Variants in ZNF251 observed in about 807,000 individuals in gnomAD.
ZNF251 encodes zinc finger protein 251.
Under a neutral mutation model 13.5 loss-of-function variants are expected in ZNF251, and 14 were observed. The observed-to-expected ratio is 1.04, with a 90% confidence interval of 0.69 to 1.63. The LOEUF is 1.63. ZNF251 is among the 40% of genes most tolerant of loss of function. The pLI is 0.00. For missense variants in ZNF251, 764 were observed against 834.9 expected, an observed-to-expected ratio of 0.92 and a Z score of 1.05; for synonymous variants, 287 against 295.2, an observed-to-expected ratio of 0.97 and a Z score of 0.28.
intron 4 of ZNF251, among the ~76,000 whole-genome samples, chr8:144,752,134 C>CAA (rs1563772285): frequency 1.6e-5 from 2 of 127,314 alleles, no homozygotes; most frequent in African/African-American, 6.6e-5. Context: ...AATAACTAGA[C>CAA]CAAAAAAAAA....
intron 4 of ZNF251, among the ~76,000 whole-genome samples, chr8:144,732,606 A>G (rs1414398986): frequency 2.6e-5 from 4 of 151,408 alleles, no homozygotes; most frequent in Non-Finnish European, 4.4e-5. Context: ...AGGTCAGGAG[A>G]TGGAGACCAT....
At chr8:144,740,633 C>T (rs1824114937) in intron 4 of ZNF251, among the ~76,000 whole-genome samples, 1 of 146,954 alleles carries the variant, frequency 6.8e-6, no homozygotes, top group African/African-American at 2.5e-5. Flanking sequence ...AAGACTAAAT[C>T]TCAAAAAAAA....
intron 4 of ZNF251, among the ~76,000 whole-genome samples, chr8:144,750,102 A>T (rs1373982423): frequency 1.3e-5 from 2 of 152,026 alleles, no homozygotes; most frequent in African/African-American, 4.8e-5. Flanking sequence ...CACGTTAATC[A>T]TAGTTTTAAA....
intron 4 of ZNF251, among the ~76,000 whole-genome samples, chr8:144,737,170 T>G (rs570694071): frequency 1.3e-5 from 2 of 152,114 alleles, no homozygotes; most frequent in East Asian, 3.9e-4. Flanking sequence ...TGATCTCAGC[T>G]CATGGCAGTC....
intron 4 of ZNF251, among the ~76,000 whole-genome samples, chr8:144,752,608 A>G (rs537814698): frequency 1.3e-5 from 2 of 152,342 alleles, no homozygotes; most frequent in African/African-American, 4.8e-5. Flanking sequence ...TGCTTTATTC[A>G]ACCAATTTTG....
chr8:144,730,573 A>G (rs1040216696), intron 4 of ZNF251, among the ~76,000 whole-genome samples: 30 of 148,410 alleles, frequency 2.0e-4, no homozygotes, highest in Admixed American at 4.0e-4. Context: ...CGGGGGTGAC[A>G]CTGGCATGTG....
Position 144,722,829 on chromosome 8 carries a change from A to G in ZNF251, c.831T>C (p.Asn277=), listed in dbSNP as rs772495251. ...CDECGKTFGL[N]SHLRLHRRIH... is the part of the protein sequence containing the mutation. ...TTCTCCGATGAAGACGGAGGTGAGA[A>G]TTGAGTCCAAAAGTTTTCCCACATT... Residue 277 remains asparagine, a synonymous_variant, in exon 5 of 5, where the codon AAT becomes AAC. Coordinates refer to ENST00000292562, the MANE Select transcript of ZNF251 (RefSeq NM_138367.2). The surrounding 1 kb of genome is among the most constrained non-coding windows in gnomAD (Gnocchi z 4.8). 3.7e-6 allele frequency: 6 copies of G among 1,614,026 alleles called. No homozygotes were observed. The highest frequency in any genetic ancestry group is 3.3e-5 in the South Asian group (3 of 91,084).
intron 4 of ZNF251, among the ~76,000 whole-genome samples, chr8:144,731,424 A>G (rs1823691015): frequency 6.6e-6 from 1 of 152,214 alleles, no homozygotes; most frequent in East Asian, 1.9e-4. Context: ...AAGTGTGTCT[A>G]TTTGTTAAAA....
In ZNF251 at chr8:144,723,230, T is replaced by C; in HGVS notation, c.430A>G (p.Lys144Glu). The change falls in exon 5 of 5, where the codon AAA becomes GAA. Residue 144 changes from lysine (K) to glutamate (E), a missense_variant. Physicochemically the swap from Lys to Glu is moderately conservative, Grantham distance 56. Transcript: ENST00000292562. The stretch of plus-strand genomic sequence containing the variant: ...CCGGCAGAATTTCCCACGCGCTCTT[T>C]GAGTTTGCCCTCACGGCCCCATGCT... ...REAWGREGKL[K>E]ERVGNSAGQS... The C allele has an allele frequency of 6.2e-7, 1 of 1,613,658 alleles. No homozygotes were observed. Among genetic ancestry groups the C allele is most frequent in the Non-Finnish European group, 8.5e-7 (1 of 1,179,710 alleles).
chr8:144,732,594 C>G (rs4925839), intron 4 of ZNF251, among the ~76,000 whole-genome samples: 17 of 151,440 alleles, frequency 1.1e-4, no homozygotes, highest in African/African-American at 1.9e-4. Flanking sequence ...GGGGGAATCA[C>G]GAGGTCAGGA....
chr8:144,746,972 C>G (rs1824457955), intron 4 of ZNF251, among the ~76,000 whole-genome samples: 1 of 151,994 alleles, frequency 6.6e-6, no homozygotes, highest in Non-Finnish European at 1.5e-5. Flanking sequence ...TTGATTTCTG[C>G]TTGAATTTTT....
chr8:144,750,952 C>T (rs913576088), intron 4 of ZNF251, among the ~76,000 whole-genome samples: 2 of 151,150 alleles, frequency 1.3e-5, no homozygotes, highest in African/African-American at 4.9e-5. Context: ...TGAGTTTCAG[C>T]GATTCTCCTG....
At chr8:144,750,220 A>C (rs1824630152) in intron 4 of ZNF251, among the ~76,000 whole-genome samples, 1 of 152,152 alleles carries the variant, frequency 6.6e-6, no homozygotes, top group South Asian at 2.1e-4. Context: ...TATGCTTTGT[A>C]ATTTTCTGTT....
chr8:144,744,009 CTTTTTTTTTTT>C (rs1168495446), intron 4 of ZNF251, among the ~76,000 whole-genome samples: 2 of 88,826 alleles, frequency 2.3e-5, no homozygotes, highest in Non-Finnish European at 4.2e-5. Flanking sequence ...CTCTCGTTGT[CTTTTTTTTTTT>C]TTTTTTTTTT....
At chr8:144,738,965 C>A (rs1157448146) in intron 4 of ZNF251, among the ~76,000 whole-genome samples, 1 of 152,118 alleles carries the variant, frequency 6.6e-6, no homozygotes, top group African/African-American at 2.4e-5. Flanking sequence ...CAGAGATGCA[C>A]ACAGCAGCCC....
chr8:144,735,273 G>C (rs1823844256), intron 4 of ZNF251, among the ~76,000 whole-genome samples: 1 of 150,234 alleles, frequency 6.7e-6, no homozygotes, highest in African/African-American at 2.5e-5. Flanking sequence ...TGTAATCCCA[G>C]CTACTTGGGA....
chr8:144,753,893 G>A (rs1483364640), intron 3 of ZNF251, 97 bp from the exon 4 acceptor site: 4 of 943,570 alleles, frequency 4.2e-6, no homozygotes, highest in Non-Finnish European at 6.2e-6. Flanking sequence ...GTGTACGCCT[G>A]CACGTGTGTT....
Position 144,754,245 on chromosome 8 carries a change from C to T in ZNF251, c.110G>A (p.Arg37Gln). 6.2e-7 allele frequency: 1 copy of T among 1,613,996 alleles called. No individual in the cohort carries two copies. The highest frequency in any genetic ancestry group is 8.5e-7 in the Non-Finnish European group (1 of 1,179,954). ...CAGCATCACATCCCGGTAGAGCGCCCGCTGCTGGGGGCCCAGCTGCCGCCC... is the reference window on the plus strand; with the variant it reads ...CAGCATCACATCCCGGTAGAGCGCCTGCTGCTGGGGGCCCAGCTGCCGCCC... ...AEGRQLGPQQ[R>Q]ALYRDVMLEN... Residue 37 changes from arginine (R) to glutamine (Q), a missense_variant, in exon 3 of 5, where the codon CGG becomes CAG. Physicochemically the swap from Arg to Gln is conservative, Grantham distance 43. Transcript: ENST00000292562.
chr8:144,753,460 CAGA>C (rs1824797304), intron 4 of ZNF251: 2 of 450,570 alleles, frequency 4.4e-6, no homozygotes, highest in East Asian at 3.5e-5. Flanking sequence ...AAAATATGAT[CAGA>C]AGTAGTATAT....
Sources: gnomAD v4.1 joint callset for allele counts (sites outside exome capture counted in the v4.1 genomes callset) on GRCh38, gnomAD v4.1.1 for gene constraint, Gnocchi (gnomAD v3.1) non-coding constraint, MANE v1.5 for transcripts, NCBI Gene and HGNC (gene_info 2026-07-23, HGNC 2026-07-21) for gene names.